Variants in METTL15 observed in about 807,000 individuals in gnomAD.
METTL15 encodes methyltransferase 15, mitochondrial 12S rRNA N4-cytidine.
In METTL15, 34 loss-of-function variants were observed where a neutral mutation model predicts 38.3. The observed-to-expected ratio is 0.89, with a 90% CI of 0.68 to 1.18. The LOEUF is 1.18. Ranked by LOEUF, METTL15 falls within the 50% of genes most tolerant of loss-of-function variation. The pLI is 0.00. For missense variants in METTL15, 438 were observed against 498.4 expected (o/e 0.88, Z 1.15); for synonymous variants, 162 against 170.9 (o/e 0.95, Z 0.41).
intron 5 of METTL15, among the ~76,000 whole-genome samples, chr11:28,296,500 A>T (rs902966899): frequency 6.6e-6 from 1 of 152,158 alleles, no homozygotes; most frequent in African/African-American, 2.4e-5. Flanking sequence ...ATTAAAGTTT[A>T]AGGTTAGTAT....
chr11:28,117,241 G>GTT (rs1330453701), intron 3 of METTL15, among the ~76,000 whole-genome samples: 20,866 of 56,602 alleles, frequency 0.37, 1,815 homozygotes, highest in Non-Finnish European at 0.44. Context: ...ATGTATGTGT[G>GTT]TGTGTGTGTG....
chr11:28,322,456 C>T (rs907988170), intron 6 of METTL15, among the ~76,000 whole-genome samples: 3 of 151,994 alleles, frequency 2.0e-5, no homozygotes, highest in Non-Finnish European at 2.9e-5. Flanking sequence ...ATTAAAACAG[C>T]GGTAAGCTAA....
chr11:28,414,871 T>C (rs1850759806), intron 5 of METTL15, among the ~76,000 whole-genome samples: 1 of 152,234 alleles, frequency 6.6e-6, no homozygotes, highest in Non-Finnish European at 1.5e-5. Context: ...TAGACTGCTA[T>C]TGTAGTAGAT....
At chr11:28,300,059 C>T (rs1027275480) in intron 6 of METTL15, among the ~76,000 whole-genome samples, 1 of 152,088 alleles carries the variant, frequency 6.6e-6, no homozygotes, top group African/African-American at 2.4e-5. Context: ...TCTGCAAAGA[C>T]CTTATTTCTA....
intron 6 of METTL15, among the ~76,000 whole-genome samples, chr11:28,465,335 G>A (rs1851248314): frequency 6.6e-6 from 1 of 151,742 alleles, no homozygotes; most frequent in Admixed American, 6.6e-5. Context: ...ATCTTTCAGG[G>A]GTCCTATGTC....
At chr11:28,288,027 C>T (rs958779205) in intron 4 of METTL15, among the ~76,000 whole-genome samples, 2 of 151,938 alleles carry the variant, frequency 1.3e-5, no homozygotes, top group Non-Finnish European at 2.9e-5. Context: ...ACTTTTGACT[C>T]AGAAGACTTG....
intron 4 of METTL15, among the ~76,000 whole-genome samples, chr11:28,244,292 A>G (rs2041636470): frequency 6.6e-6 from 1 of 152,180 alleles, no homozygotes; most frequent in African/African-American, 2.4e-5. Flanking sequence ...CTTTAATCTC[A>G]AAAGAAACAT....
intron 4 of METTL15, among the ~76,000 whole-genome samples, chr11:28,222,604 C>G (rs1853292678): frequency 6.6e-6 from 1 of 152,200 alleles, no homozygotes. Context: ...AACCTGGTAC[C>G]TCAGTTGGAA....
intron 3 of METTL15, among the ~76,000 whole-genome samples, chr11:28,206,167 C>G (rs956854421): frequency 6.6e-6 from 1 of 150,816 alleles, no homozygotes; most frequent in Non-Finnish European, 1.5e-5. Flanking sequence ...GTGTTTTAGA[C>G]ATGAAATCCT....
At chr11:28,514,810 T>C (rs546533539) in intron 6 of METTL15, among the ~76,000 whole-genome samples, 18 of 152,290 alleles carry the variant, frequency 1.2e-4, no homozygotes, top group African/African-American at 3.6e-4. Context: ...CTGAGGCACA[T>C]TGGGTTCAAG....
At chr11:28,454,096 T>C (rs148458467) in intron 6 of METTL15, among the ~76,000 whole-genome samples, 1 of 152,350 alleles carries the variant, frequency 6.6e-6, no homozygotes, top group African/African-American at 2.4e-5. Context: ...GACTTGGAAT[T>C]GTTTCGTTAT....
intron 6 of METTL15, among the ~76,000 whole-genome samples, chr11:28,461,809 G>C (rs1040265479): frequency 2.0e-5 from 3 of 152,046 alleles, no homozygotes; most frequent in Non-Finnish European, 4.4e-5. Context: ...GATCAAGTCA[G>C]GGTATTCAGG....
chr11:28,432,546 C>A (rs913426512), intron 6 of METTL15, among the ~76,000 whole-genome samples: 1 of 152,104 alleles, frequency 6.6e-6, no homozygotes, highest in Admixed American at 6.5e-5. Context: ...TCTGTTTGCC[C>A]GATATAGAAA....
downstream of METTL15, among the ~76,000 whole-genome samples, chr11:28,530,255 A>G (rs1278477483): frequency 1.3e-5 from 2 of 152,178 alleles, no homozygotes; most frequent in Non-Finnish European, 1.5e-5. Flanking sequence ...TGTATAACCT[A>G]TTACATGCCT....
intron 5 of METTL15, among the ~76,000 whole-genome samples, chr11:28,388,136 C>T (rs540116208): frequency 6.6e-6 from 1 of 152,174 alleles, no homozygotes; most frequent in African/African-American, 2.4e-5. Context: ...TGATCTTTTT[C>T]TCTAAGATCA....
chr11:28,391,188 G>C, intron 5 of METTL15, among the ~76,000 whole-genome samples: 1 of 152,034 alleles, frequency 6.6e-6, no homozygotes, highest in African/African-American at 2.4e-5. Flanking sequence ...GGGACAATTT[G>C]ACTTCCTCTT....
chr11:28,505,834 G>A (rs915059789), intron 6 of METTL15, among the ~76,000 whole-genome samples: 1 of 152,176 alleles, frequency 6.6e-6, no homozygotes, highest in African/African-American at 2.4e-5. Flanking sequence ...GAGTGACTGT[G>A]TAATGACGAT....
intron 6 of METTL15, among the ~76,000 whole-genome samples, chr11:28,429,241 G>C (rs988094543): frequency 3.3e-5 from 5 of 152,150 alleles, no homozygotes; most frequent in Non-Finnish European, 4.4e-5. Context: ...ATGTCTTGGG[G>C]GAGATAATGT....
At chr11:28,383,910 C>A (rs1311398304) in intron 5 of METTL15, among the ~76,000 whole-genome samples, 2 of 152,068 alleles carry the variant, frequency 1.3e-5, no homozygotes, top group African/African-American at 4.8e-5. Flanking sequence ...ATTTTGTCAT[C>A]CAGTGACTAA....
Sources: allele counts gnomAD v4.1 joint callset (sites outside exome capture counted in the v4.1 genomes callset), GRCh38; gene constraint gnomAD v4.1.1; transcripts MANE v1.5; gene names NCBI Gene and HGNC (gene_info 2026-07-23, HGNC 2026-07-21).